Variants in MET observed in about 807,000 individuals in gnomAD.
The protein encoded by MET is MET proto-oncogene, receptor tyrosine kinase.
In MET, 48 loss-of-function variants were observed where a neutral mutation model predicts 133.1. The ratio of observed to expected loss-of-function variants is 0.36; its 90% CI spans 0.29 to 0.46. The LOEUF (loss-of-function observed/expected upper bound fraction) is 0.46. MET is among the 20% of genes least tolerant of loss of function. The pLI, the probability that MET is intolerant of heterozygous loss-of-function variation, is 1.00. For missense variants in MET, 1,442 were observed against 1,695.9 expected, an observed-to-expected ratio of 0.85 and a Z score of 2.63; for synonymous variants, 628 against 616.5, an observed-to-expected ratio of 1.02 and a Z score of -0.28.
chr7:116,716,284 G>GGAGAGAGAGAGAGA (rs564115135), intron 2 of MET, among the ~76,000 whole-genome samples: 36 of 38,054 alleles, frequency 9.5e-4, no homozygotes, highest in East Asian at 1.9e-3. Context: ...AGGGAGAGAG[G>GGAGAGAGAGAGAGA]GAGAGAGAGA....
intron 2 of MET, among the ~76,000 whole-genome samples, chr7:116,726,254 T>G (rs182384081): frequency 1.2e-3 from 172 of 145,274 alleles, no homozygotes; most frequent in Admixed American, 2.6e-3. Context: ...CCCCTGAATA[T>G]CCCATCCTAG....
chr7:116,757,327 A>G (rs1212794811), intron 6 of MET, 110 bp from the exon 7 acceptor site: 1 of 850,772 alleles, frequency 1.2e-6, no homozygotes, highest in Non-Finnish European at 2.0e-6. Context: ...TCTGCTTGCT[A>G]TTCAAAGCAG....
At chr7:116,748,542 C>T (rs770028047) in intron 5 of MET, among the ~76,000 whole-genome samples, 3 of 152,038 alleles carry the variant, frequency 2.0e-5, no homozygotes, top group Non-Finnish European at 4.4e-5. Context: ...TAAAATCAAC[C>T]CCTAACATCA....
intron 19 of MET, among the ~76,000 whole-genome samples, chr7:116,788,615 C>A (rs1030235572): frequency 3.3e-5 from 5 of 152,230 alleles, no homozygotes; most frequent in Non-Finnish European, 4.4e-5. Flanking sequence ...TCGAAAGACA[C>A]TATTTTGTGC....
chr7:116,700,377 C>G, intron 2 of MET, 93 bp downstream of exon 2: 1 of 1,411,158 alleles, frequency 7.1e-7, no homozygotes, highest in South Asian at 1.5e-5. Context: ...TTCTTTTGTG[C>G]TTTGTAAATG....
intron 19 of MET, among the ~76,000 whole-genome samples, chr7:116,789,371 C>T (rs1169036700): frequency 5.9e-5 from 9 of 152,186 alleles, no homozygotes; most frequent in Non-Finnish European, 1.0e-4. Context: ...GCCAAACCCT[C>T]AATTTCTCAC....
chr7:116,757,748 T>C lies in MET; in HGVS notation c.2076T>C (p.Ile692=). The change falls in exon 8 of 21, where the codon ATT becomes ATC. Residue 692 remains isoleucine, a synonymous_variant. Coordinates refer to ENST00000397752, the MANE Select transcript of MET (RefSeq NM_000245.4). ...GTGGGAATTCTAGACACATTTCAAT[T>C]GGTGGAAAAACATGTACTTTAAAAA... The part of the protein sequence containing the change: ...LNSGNSRHIS[I]GGKTCTLKSV... 1 of 1,613,930 alleles carries C rather than the reference T, an allele frequency of 6.2e-7. No homozygotes were observed. The highest frequency in any genetic ancestry group is 1.3e-5 in the African/African-American group (1 of 75,048).
intron 19 of MET, among the ~76,000 whole-genome samples, chr7:116,789,251 C>T (rs1795409728): frequency 1.3e-5 from 2 of 152,182 alleles, no homozygotes; most frequent in Admixed American, 6.5e-5. Context: ...AGGGGTCATC[C>T]TCCACCAACA....
chr7:116,763,821 A>G (rs1794504845), intron 11 of MET, among the ~76,000 whole-genome samples: 1 of 152,216 alleles, frequency 6.6e-6, no homozygotes, highest in Non-Finnish European at 1.5e-5. Context: ...AACAAAGAAC[A>G]CTAAGACCCA....
chr7:116,741,454 C>A (rs961651356), intron 5 of MET, among the ~76,000 whole-genome samples: 1 of 152,208 alleles, frequency 6.6e-6, no homozygotes, highest in Admixed American at 6.5e-5. Context: ...CAGACATGAG[C>A]CTCCATCACA....
chr7:116,683,291 A>G, intron 1 of MET, among the ~76,000 whole-genome samples: 1 of 152,182 alleles, frequency 6.6e-6, no homozygotes, highest in East Asian at 1.9e-4. Flanking sequence ...GCTCCCACTT[A>G]TAAGTGAGAA....
At chr7:116,723,486 A>C (rs1584904323) in intron 2 of MET, among the ~76,000 whole-genome samples, 1 of 152,248 alleles carries the variant, frequency 6.6e-6, no homozygotes, top group African/African-American at 2.4e-5. Flanking sequence ...TCAGCTCGCC[A>C]AAGTCATTCT....
At chr7:116,779,722 TAAA>T (rs959294309) in intron 17 of MET, among the ~76,000 whole-genome samples, 1 of 148,502 alleles carries the variant, frequency 6.7e-6, no homozygotes, top group South Asian at 2.1e-4. Flanking sequence ...TACTTAGTAT[TAAA>T]AAAAAAAGAA....
chr7:116,704,885 TG>T (rs1355136867), intron 2 of MET, among the ~76,000 whole-genome samples: 1 of 152,144 alleles, frequency 6.6e-6, no homozygotes, highest in Non-Finnish European at 1.5e-5. Flanking sequence ...CCTCATAGGT[TG>T]TTTGTATTGG....
intron 1 of MET, among the ~76,000 whole-genome samples, chr7:116,695,304 T>A (rs988296665): frequency 6.6e-6 from 1 of 152,240 alleles, no homozygotes; most frequent in African/African-American, 2.4e-5. Flanking sequence ...AAATTGTCCC[T>A]AATCCTTTTC....
chr7:116,685,019 G>A (rs1039181500), intron 1 of MET, among the ~76,000 whole-genome samples: 6 of 152,158 alleles, frequency 3.9e-5, no homozygotes, highest in African/African-American at 1.4e-4. Context: ...TTGTAGGTGG[G>A]TGTCAAAGAT....
At chr7:116,680,189 A>G (rs1796299268) in intron 1 of MET, among the ~76,000 whole-genome samples, 1 of 152,190 alleles carries the variant, frequency 6.6e-6, no homozygotes, top group South Asian at 2.1e-4. Flanking sequence ...GCTTGTTTTG[A>G]CATTTAATTG....
At chr7:116,726,006 C>T (rs981678972) in intron 2 of MET, among the ~76,000 whole-genome samples, 5 of 148,236 alleles carry the variant, frequency 3.4e-5, no homozygotes, top group Non-Finnish European at 3.0e-5. Flanking sequence ...CACTGCACTC[C>T]AGCATGGGTG....
chr7:116,700,429 G>T, intron 2 of MET, 145 bp downstream of exon 2: 1 of 860,124 alleles, frequency 1.2e-6, no homozygotes, highest in Non-Finnish European at 1.7e-6. Flanking sequence ...CAAGAAAATT[G>T]AGGAATTGAA....
Sources: gnomAD v4.1 joint callset for allele counts (sites outside exome capture counted in the v4.1 genomes callset) on GRCh38, gnomAD v4.1.1 for gene constraint, MANE v1.5 for transcripts, NCBI Gene and HGNC (gene_info 2026-07-23, HGNC 2026-07-21) for gene names.